Variants in PRKAR1A observed in about 807,000 individuals in gnomAD.
PRKAR1A encodes cAMP-dependent protein kinase type I-alpha regulatory subunit.
PRKAR1A carries 3 observed loss-of-function variants against 52.0 expected under a neutral mutation model. The observed-to-expected ratio is 0.06, with a 90% CI of 0.03 to 0.15. The LOEUF (loss-of-function observed/expected upper bound fraction) is 0.15, where lower values mean the gene tolerates loss of function less well. Ranked by LOEUF, PRKAR1A falls within the 10% of genes least tolerant of loss-of-function variation. The pLI is 1.00. For missense variants in PRKAR1A, 240 were observed against 477.4 expected, an observed-to-expected ratio of 0.50 and a Z score of 4.63; for synonymous variants, 188 against 168.4, an observed-to-expected ratio of 1.12 and a Z score of -0.90.
chr17:68,420,323 C>T, the PRKAR1A span: 1 of 1,614,114 alleles, frequency 6.2e-7, no homozygotes, highest in African/African-American at 1.3e-5. Flanking sequence ...GGCTGTGCTG[C>T]CCGAGGTCAG....
the PRKAR1A span, chr17:68,421,501 T>C: frequency 1.1e-5 from 5 of 461,990 alleles, no homozygotes; most frequent in Non-Finnish European, 7.9e-6. Flanking sequence ...ATTCCGGTTA[T>C]ATACCAATAT....
the PRKAR1A span, among the ~76,000 whole-genome samples, chr17:68,461,943 T>C: frequency 2.0e-5 from 3 of 152,174 alleles, no homozygotes; most frequent in Non-Finnish European, 4.4e-5. This position sits in a 1 kb window ranked among gnomAD's most constrained non-coding sequence, Gnocchi z 4.6. Flanking sequence ...GGTTTTCTGT[T>C]TCTAATTATA....
the PRKAR1A span, among the ~76,000 whole-genome samples, chr17:68,494,767 C>G: frequency 1.3e-5 from 2 of 151,994 alleles, no homozygotes; most frequent in African/African-American, 2.4e-5. Flanking sequence ...GCAGAAGCCA[C>G]TTGGTATCCT....
chr17:68,502,755 G>GAAAAAA, the PRKAR1A span, among the ~76,000 whole-genome samples: 2 of 86,292 alleles, frequency 2.3e-5, no homozygotes, highest in African/African-American at 9.0e-5. Flanking sequence ...TTCATCTCAG[G>GAAAAAA]AAAAAAAAAA....
the PRKAR1A span, chr17:68,436,309 C>T: frequency 1.4e-6 from 2 of 1,413,238 alleles, no homozygotes; most frequent in East Asian, 4.6e-5. Context: ...GGCAGGGCGT[C>T]CTTATCTATC....
the PRKAR1A span, among the ~76,000 whole-genome samples, chr17:68,452,542 G>A: frequency 1.3e-5 from 2 of 152,186 alleles, no homozygotes; most frequent in African/African-American, 4.8e-5. Context: ...TCCAGCCTGG[G>A]TGATAGAGCA....
the PRKAR1A span, among the ~76,000 whole-genome samples, chr17:68,490,201 G>C: frequency 6.6e-6 from 1 of 152,264 alleles, no homozygotes; most frequent in Non-Finnish European, 1.5e-5. Flanking sequence ...TTCTGTCCCA[G>C]GGTCCCTTTG....
At position 68,530,401 on chromosome 17, in the gene PRKAR1A, C is replaced by T. The variant is rs1600496468; in HGVS notation, c.1098C>T (p.Leu366=). The part of the protein sequence containing the change: ...ERVLGPCSDI[L]KRNIQQYNSF... ...TTCTTGGCCCATGCTCAGACATCCT[C>T]AAACGAAACATCCAGCAGTACAACA... The change falls in exon 11 of 11, where the codon CTC becomes CTT. Residue 366 remains leucine, a synonymous_variant. Coordinates refer to ENST00000589228, the MANE Select transcript of PRKAR1A (RefSeq NM_002734.5). 3.1e-6 allele frequency: 5 copies of T among 1,614,106 alleles called. No individual in the cohort carries two copies. The highest frequency in any genetic ancestry group is 4.2e-6 in the Non-Finnish European group (5 of 1,179,974).
chr17:68,474,002 T>C, the PRKAR1A span, among the ~76,000 whole-genome samples: 8 of 150,946 alleles, frequency 5.3e-5, no homozygotes, highest in African/African-American at 7.5e-5. Flanking sequence ...GTGCATGTAT[T>C]CGTTTTTTGA....
chr17:68,501,630 A>AT, the PRKAR1A span, among the ~76,000 whole-genome samples: 2 of 152,070 alleles, frequency 1.3e-5, no homozygotes, highest in South Asian at 4.2e-4. Context: ...TAATTTTTAA[A>AT]TTTTTTTGTA....
intron 11 of PRKAR1A, chr17:68,543,593 T>C (rs1350587979): frequency 6.3e-7 from 1 of 1,589,780 alleles, no homozygotes; most frequent in African/African-American, 1.3e-5. Context: ...GATTGGTCCT[T>C]ATAGGCAATG....
chr17:68,529,617 T>G (rs1373756698), intron 9 of PRKAR1A, among the ~76,000 whole-genome samples: 1 of 152,208 alleles, frequency 6.6e-6, no homozygotes, highest in Non-Finnish European at 1.5e-5. Context: ...TGTAAATGAA[T>G]GTATGTGGTA....
chr17:68,458,961 C>A, the PRKAR1A span, among the ~76,000 whole-genome samples: 1 of 152,014 alleles, frequency 6.6e-6, no homozygotes, highest in African/African-American at 2.4e-5. Flanking sequence ...TATATTTAAC[C>A]TTGGACCTAC....
chr17:68,545,571 G>C (rs2086513503), intron 11 of PRKAR1A, among the ~76,000 whole-genome samples: 1 of 152,322 alleles, frequency 6.6e-6, no homozygotes, highest in South Asian at 2.1e-4. Context: ...CTGACTGACT[G>C]GGGTGGTGGT....
chr17:68,452,758 A>G, the PRKAR1A span: 1 of 610,740 alleles, frequency 1.6e-6, no homozygotes, highest in South Asian at 2.3e-5. Context: ...AGTAGTGGCA[A>G]CGATTTATAT....
chr17:68,485,078 A>T, the PRKAR1A span, among the ~76,000 whole-genome samples: 71 of 152,334 alleles, frequency 4.7e-4, no homozygotes, highest in African/African-American at 1.6e-3. Flanking sequence ...AACTTCTATG[A>T]TTTGCTGGAT....
At chr17:68,448,946 A>T in the PRKAR1A span, among the ~76,000 whole-genome samples, 3 of 152,102 alleles carry the variant, frequency 2.0e-5, no homozygotes, top group Non-Finnish European at 4.4e-5. Context: ...AAAAGGTCCC[A>T]CTTCTCTTTC....
At chr17:68,457,454 G>A in the PRKAR1A span, 17 of 1,464,474 alleles carry the variant, frequency 1.2e-5, no homozygotes, top group Non-Finnish European at 1.5e-5. Context: ...GCAGCTCGGA[G>A]CCGGCGACAG....
At chr17:68,500,407 A>G in the PRKAR1A span, among the ~76,000 whole-genome samples, 2 of 152,134 alleles carry the variant, frequency 1.3e-5, no homozygotes, top group African/African-American at 4.8e-5. Context: ...GCCTCCATGT[A>G]AGACATGCCT....
Sources: allele counts gnomAD v4.1 joint callset (sites outside exome capture counted in the v4.1 genomes callset), GRCh38; gene constraint gnomAD v4.1.1; non-coding constraint Gnocchi (gnomAD v3.1); transcripts MANE v1.5; gene names NCBI Gene and HGNC (gene_info 2026-07-23, HGNC 2026-07-21).